Variants in FNDC3A observed in about 807,000 individuals in gnomAD.
FNDC3A encodes the protein fibronectin type-III domain-containing protein 3A.
Under a neutral mutation model 148.9 loss-of-function variants are expected in FNDC3A, and 32 were observed. The ratio of observed to expected loss-of-function variants is 0.21; its 90% CI spans 0.16 to 0.29. FNDC3A has a LOEUF of 0.29. Among genes scored for constraint, FNDC3A ranks in the 10% least tolerant of loss-of-function variants. The pLI, the probability that FNDC3A is intolerant of heterozygous loss-of-function variation, is 1.00. For missense variants in FNDC3A, 1,191 were observed against 1,452.8 expected (o/e 0.82, Z 2.93); for synonymous variants, 472 against 473.6 (o/e 1.00, Z 0.04).
intron 1 of FNDC3A, among the ~76,000 whole-genome samples, chr13:48,994,467 T>G (rs1322102276): frequency 6.6e-6 from 1 of 152,214 alleles, no homozygotes; most frequent in Non-Finnish European, 1.5e-5. Flanking sequence ...GTTCCTGTCT[T>G]TCAGAGATAC....
chr13:49,100,476 A>G (rs1300164812), intron 3 of FNDC3A, among the ~76,000 whole-genome samples: 1 of 152,144 alleles, frequency 6.6e-6, no homozygotes, highest in Non-Finnish European at 1.5e-5. Flanking sequence ...CCATAGATGT[A>G]GGGATATTTC....
intron 5 of FNDC3A, among the ~76,000 whole-genome samples, chr13:49,133,241 C>T (rs1408314063): frequency 6.6e-6 from 1 of 152,180 alleles, no homozygotes; most frequent in Non-Finnish European, 1.5e-5. Flanking sequence ...AAAGTTTATA[C>T]TGCAGATTAG....
intron 4 of FNDC3A, among the ~76,000 whole-genome samples, chr13:49,127,731 G>A (rs760861690): frequency 2.6e-5 from 4 of 152,186 alleles, no homozygotes; most frequent in South Asian, 4.2e-4. Context: ...ACTCACAAGT[G>A]CAAAACTTGA....
chr13:49,140,711 G>C (rs974094948), intron 7 of FNDC3A, among the ~76,000 whole-genome samples: 2 of 152,188 alleles, frequency 1.3e-5, no homozygotes, highest in East Asian at 1.9e-4. Context: ...GCTGGAGATA[G>C]AATGGAAAGC....
chr13:49,171,970 A>G, intron 10 of FNDC3A, 73 bp from the exon 11 acceptor site: 1 of 1,019,520 alleles, frequency 9.8e-7, no homozygotes, highest in Non-Finnish European at 1.5e-6. Context: ...CTAGATCCTT[A>G]TATTAGATCA....
intron 1 of FNDC3A, among the ~76,000 whole-genome samples, chr13:48,981,480 CTT>C (rs769217943): frequency 8.4e-5 from 12 of 142,726 alleles, no homozygotes; most frequent in Admixed American, 1.4e-4. Flanking sequence ...GCAATGCAGC[CTT>C]TTTTTTTTTT....
intron 25 of FNDC3A, among the ~76,000 whole-genome samples, chr13:49,204,488 C>G (rs1366240746): frequency 6.6e-6 from 1 of 152,078 alleles, no homozygotes; most frequent in East Asian, 1.9e-4. Flanking sequence ...TACAAAAGAT[C>G]CAAAGAGTCA....
At position 49,187,596 on chromosome 13, in the gene FNDC3A, C is replaced by A. The variant is rs1010087325; in HGVS notation, c.1825+406C>A. 3.7e-6 allele frequency: 6 copies of A among 1,609,276 alleles called. No individual in the cohort carries two copies. In the African/African-American group the frequency reaches 4.0e-5, roughly 11 times the overall value. ...TGTTTTCCACTGAAAATGGCAAATT[C>A]TTCCCAGGGCCCTCCTCACAGTGGC... On this transcript the variant is annotated intron_variant, in intron 16 of 25. Coordinates refer to ENST00000492622, the MANE Select transcript of FNDC3A (RefSeq NM_001079673.2).
At position 49,209,170 on chromosome 13, in the gene FNDC3A, G is replaced by A. The variant is rs1463548134; in HGVS notation, c.*1775G>A. 1 of 152,588 alleles carries A rather than the reference G, an allele frequency of 6.6e-6. No individual in the cohort carries two copies. The highest frequency in any genetic ancestry group is 1.5e-5 in the Non-Finnish European group (1 of 68,032). The allele number at this position is 152,588 out of a possible 1,614,324, so 9.5% of individuals were successfully genotyped here. ...CTTCTTTAAAGTGCCACATTTGGCAGTACAAATGAGTCTGAGTGTAATAGC... is the reference window on the plus strand; with the variant it reads ...CTTCTTTAAAGTGCCACATTTGGCAATACAAATGAGTCTGAGTGTAATAGC... On this transcript the variant is annotated 3_prime_UTR_variant, in exon 26 of 26. Coordinates refer to ENST00000492622, the MANE Select transcript of FNDC3A (RefSeq NM_001079673.2).
Position 49,114,597 on chromosome 13 carries a change from T to C in FNDC3A, c.176-58T>C, listed in dbSNP as rs1880808468. The stretch of plus-strand genomic sequence containing the variant: ...ATTCAAAATGTAATTCAAATTGTTT[T>C]CAACTTTAGCCTGATAAGCAATCAT... On this transcript the variant is annotated intron_variant, in intron 3 of 25. Transcript: ENST00000492622. 3.5e-6 allele frequency: 4 copies of C among 1,154,084 alleles called. No individual in the cohort carries two copies. The Admixed American group carries it at 6.8e-5, about 20-fold the overall frequency. The allele number at this position is 1,154,084 out of a possible 1,614,324, so 71.5% of individuals were successfully genotyped here. A position where few individuals can be genotyped will look rare whatever the true frequency, so the allele number is the denominator to read the frequency against.
chr13:49,158,799 AG>A (rs778558854), intron 8 of FNDC3A, among the ~76,000 whole-genome samples: 11 of 152,164 alleles, frequency 7.2e-5, no homozygotes, highest in Admixed American at 1.3e-4. Context: ...TTTTTGTATA[AG>A]GTGTAAGGAA....
chr13:49,091,618 T>TC (rs1183842258), intron 3 of FNDC3A, among the ~76,000 whole-genome samples: 1 of 152,242 alleles, frequency 6.6e-6, no homozygotes, highest in African/African-American at 2.4e-5. Context: ...CTGCAGCTGT[T>TC]CACTTTTGGG....
intron 2 of FNDC3A, among the ~76,000 whole-genome samples, chr13:49,019,740 T>C (rs1166048477): frequency 2.0e-5 from 3 of 152,238 alleles, no homozygotes; most frequent in Non-Finnish European, 4.4e-5. Flanking sequence ...TAATATTTTT[T>C]CTTGGATTTT....
At chr13:49,136,265 T>G (rs1362046398) in intron 5 of FNDC3A, 67 bp from the exon 6 acceptor site, 4 of 1,349,576 alleles carry the variant, frequency 3.0e-6, no homozygotes, top group Non-Finnish European at 4.1e-6. Flanking sequence ...TTTCTGTTCT[T>G]TTTTCATGGC....
At chr13:49,015,005 T>G (rs998458369) in intron 2 of FNDC3A, among the ~76,000 whole-genome samples, 6 of 152,164 alleles carry the variant, frequency 3.9e-5, no homozygotes, top group African/African-American at 1.4e-4. Context: ...ACTGTGGCCT[T>G]GTAGTATAGT....
At chr13:49,126,695 A>G (rs1449010594) in intron 4 of FNDC3A, among the ~76,000 whole-genome samples, 1 of 152,168 alleles carries the variant, frequency 6.6e-6, no homozygotes, top group Non-Finnish European at 1.5e-5. Flanking sequence ...TTCTACCTAT[A>G]TGACCCTGGG....
intron 4 of FNDC3A, among the ~76,000 whole-genome samples, chr13:49,122,704 A>G (rs1207964114): frequency 2.0e-5 from 3 of 152,178 alleles, no homozygotes; most frequent in African/African-American, 7.2e-5. Flanking sequence ...TACACCAATA[A>G]TAGGCAAACA....
chr13:49,202,347 G>A (rs1186050542), intron 24 of FNDC3A, among the ~76,000 whole-genome samples: 1 of 152,090 alleles, frequency 6.6e-6, no homozygotes, highest in Non-Finnish European at 1.5e-5. Context: ...GGAAAGCTTG[G>A]TCATCTGTTA....
rs749999528 is a variant in FNDC3A at position 49,006,283 on chromosome 13, A to G, written c.93A>G (p.Thr31=). 34 of 1,577,482 alleles carry G rather than the reference A, an allele frequency of 2.2e-5. No homozygotes were observed. The highest frequency in any genetic ancestry group is 3.4e-5 in the Admixed American group (2 of 59,134). The change falls in exon 2 of 26, where the codon ACA becomes ACG. Residue 31 remains threonine, a synonymous_variant. Transcript: ENST00000492622. ...CCCCTATTGTAAGTGCAGATGGAACACAACAGGTAAGAAAACTGAAATGTT... is the reference window on the plus strand; with the variant it reads ...CCCCTATTGTAAGTGCAGATGGAACGCAACAGGTAAGAAAACTGAAATGTT... ...LSAPIVSADG[T]QQVILVQVNP...
Sources: allele counts gnomAD v4.1 joint callset (sites outside exome capture counted in the v4.1 genomes callset), GRCh38; gene constraint gnomAD v4.1.1; transcripts MANE v1.5; gene names NCBI Gene and HGNC (gene_info 2026-07-23, HGNC 2026-07-21).